Variants in MAPK8 observed in about 807,000 individuals in gnomAD.
MAPK8 encodes the protein JUN N-terminal kinase.
MAPK8 carries 13 observed loss-of-function variants against 52.9 expected under a neutral mutation model. That is an observed-to-expected ratio of 0.25 (90% CI 0.16 to 0.39). The LOEUF (loss-of-function observed/expected upper bound fraction) is 0.39. Among genes scored for constraint, MAPK8 ranks in the 10% least tolerant of loss-of-function variants. The pLI, the probability that MAPK8 is intolerant of heterozygous loss-of-function variation, is 1.00. For synonymous variants in MAPK8, 191 were observed against 169.8 expected (o/e 1.12, Z -0.97); for missense variants, 300 against 519.2 (o/e 0.58, Z 4.10).
chr10:48,399,766 A>T (rs978897521), intron 1 of MAPK8, among the ~76,000 whole-genome samples: 6 of 152,080 alleles, frequency 3.9e-5, no homozygotes, highest in African/African-American at 1.4e-4. Context: ...TGATTATCTT[A>T]ATCTTTTTGA....
Position 48,426,033 on chromosome 10 carries a change from C to A in MAPK8, c.834C>A (p.Val278=). 1.2e-6 allele frequency: 2 copies of A among 1,611,826 alleles called. No individual in the cohort carries two copies. The highest frequency in any genetic ancestry group is 1.7e-6 in the Non-Finnish European group (2 of 1,179,168). ...GCTTTGAGAAACTCTTCCCTGATGTCCTTTTCCCAGCTGACTCAGAACACA... is the reference window on the plus strand; with the variant it reads ...GCTTTGAGAAACTCTTCCCTGATGTACTTTTCCCAGCTGACTCAGAACACA... The part of the protein sequence containing the change: ...GYSFEKLFPD[V]LFPADSEHNK... Residue 278 remains valine (V), a synonymous_variant, in exon 8 of 12, where the codon GTC becomes GTA. Coordinates refer to ENST00000374189, the MANE Select transcript of MAPK8 (RefSeq NM_001323329.2).
intron 1 of MAPK8, among the ~76,000 whole-genome samples, chr10:48,397,154 C>T (rs780560611): frequency 4.0e-5 from 6 of 151,420 alleles, no homozygotes; most frequent in Non-Finnish European, 2.9e-5. Flanking sequence ...ATTTGTATAA[C>T]CTTTTTTTTT....
At chr10:48,345,628 C>T (rs1353494446) in intron 1 of MAPK8, among the ~76,000 whole-genome samples, 1 of 152,154 alleles carries the variant, frequency 6.6e-6, no homozygotes, top group Non-Finnish European at 1.5e-5. Flanking sequence ...ACCTATTATT[C>T]TTGCTAAGTA....
intron 1 of MAPK8, among the ~76,000 whole-genome samples, chr10:48,379,073 T>C (rs1028043681): frequency 4.6e-5 from 7 of 152,250 alleles, no homozygotes; most frequent in African/African-American, 1.7e-4. Context: ...CCTGAAACTT[T>C]TTCGTTAGAA....
At chr10:48,376,162 T>C (rs1589119170) in intron 1 of MAPK8, among the ~76,000 whole-genome samples, 1 of 152,162 alleles carries the variant, frequency 6.6e-6, no homozygotes, top group East Asian at 1.9e-4. Context: ...TAATAGATGG[T>C]GTTGGGAAAA....
chr10:48,410,016 T>C lies in MAPK8; in HGVS notation c.312-14T>C, dbSNP rs754526898. 2.5e-6 allele frequency: 4 copies of C among 1,604,508 alleles called. No individual in the cohort carries two copies. The highest frequency in any genetic ancestry group is 3.4e-6 in the Non-Finnish European group (4 of 1,176,858). Reference sequence around the variant, plus strand: ...GCTGGACACTTTAGCTGTTCTCTTTTTTCACTCATAAAGTTACATAGTCAT... The same window carrying C: ...GCTGGACACTTTAGCTGTTCTCTTTCTTCACTCATAAAGTTACATAGTCAT... On this transcript the variant is annotated splice_polypyrimidine_tract_variant and intron_variant, in intron 4 of 11. Coordinates refer to ENST00000374189, the MANE Select transcript of MAPK8 (RefSeq NM_001323329.2).
At chr10:48,414,981 G>T (rs11101317) in intron 5 of MAPK8, among the ~76,000 whole-genome samples, 69,767 of 151,810 alleles carry the variant, frequency 0.46, 16,240 homozygotes, top group South Asian at 0.57. Context: ...AATACAGAGA[G>T]AGTTTTCACA....
chr10:48,309,553 A>G (rs574427433), intron 1 of MAPK8, among the ~76,000 whole-genome samples: 14 of 152,222 alleles, frequency 9.2e-5, no homozygotes, highest in Non-Finnish European at 1.5e-4. Context: ...TAATGTGGTT[A>G]TAATCTTAAC....
intron 1 of MAPK8, among the ~76,000 whole-genome samples, chr10:48,362,452 G>A (rs1276623800): frequency 6.7e-6 from 1 of 150,346 alleles, no homozygotes; most frequent in African/African-American, 2.4e-5. Flanking sequence ...TCATCTTTGT[G>A]TCCCAGACTC....
At chr10:48,373,571 CAAAA>C (rs539162576) in intron 1 of MAPK8, among the ~76,000 whole-genome samples, 18 of 16,838 alleles carry the variant, frequency 1.1e-3, no homozygotes, top group South Asian at 0.014. Flanking sequence ...AAATTGAAAG[CAAAA>C]AAAAAAAAAA....
intron 5 of MAPK8, 117 bp downstream of exon 5, chr10:48,410,285 C>T: frequency 1.4e-6 from 1 of 737,308 alleles, no homozygotes; most frequent in Non-Finnish European, 2.0e-6. Context: ...TGTACAACTA[C>T]CACCCATATT....
Position 48,390,457 on chromosome 10 carries a change from T to C in MAPK8, c.-49-11155T>C, listed in dbSNP as rs140331921. On this transcript the variant is annotated intron_variant, in intron 1 of 11. Transcript: ENST00000374189. ...GGCTCTAAGTTACCTCAGTGACTTATTGCCAGGATTGCCTGATGATTACAG... is the reference window on the plus strand; with the variant it reads ...GGCTCTAAGTTACCTCAGTGACTTACTGCCAGGATTGCCTGATGATTACAG... Among the ~76,000 whole-genome samples, 261 of 152,338 alleles carry C rather than the reference T, an allele frequency of 1.7e-3. 2 individuals are homozygous for C. Among genetic ancestry groups the C allele is most frequent in the African/African-American group, 5.6e-3 (233 of 41,574 alleles).
At chr10:48,359,879 G>T (rs909519561) in intron 1 of MAPK8, among the ~76,000 whole-genome samples, 1 of 152,158 alleles carries the variant, frequency 6.6e-6, no homozygotes, top group African/African-American at 2.4e-5. Flanking sequence ...GACACAGAAA[G>T]CATGAAAAGG....
At chr10:48,327,670 C>T (rs2132219747) in intron 1 of MAPK8, among the ~76,000 whole-genome samples, 1 of 152,112 alleles carries the variant, frequency 6.6e-6, no homozygotes, top group East Asian at 1.9e-4. Flanking sequence ...TCACTTTTTT[C>T]CTTAAATGTT....
At chr10:48,378,993 TA>T in intron 1 of MAPK8, among the ~76,000 whole-genome samples, 1 of 152,246 alleles carries the variant, frequency 6.6e-6, no homozygotes, top group Non-Finnish European at 1.5e-5. Flanking sequence ...AGAGTTATTA[TA>T]CTTGGCCTGA....
chr10:48,420,503 G>T (rs979514968), intron 6 of MAPK8, among the ~76,000 whole-genome samples, 183 bp downstream of exon 6: 2 of 152,072 alleles, frequency 1.3e-5, no homozygotes, highest in Non-Finnish European at 2.9e-5. Flanking sequence ...AAAACTTGGG[G>T]CCCTTATTTG....
rs565444229 is a variant in MAPK8 at position 48,425,812 on chromosome 10, A to G, written c.689-76A>G. ...CTTTCTTAGGAATTTTTAAATTTCT[A>G]TTTTCTTGTAATATGAATATGACTA... On this transcript the variant is annotated intron_variant, in intron 7 of 11. Transcript: ENST00000374189. 211 of 972,392 alleles carry G rather than the reference A, an allele frequency of 2.2e-4. 3 individuals are homozygous for G. In the South Asian group the frequency reaches 3.1e-3, roughly 14 times the overall value. The allele number at this position is 972,392 out of a possible 1,614,324, so 60.2% of individuals were successfully genotyped here. A position where few individuals can be genotyped will look rare whatever the true frequency, so the allele number is the denominator to read the frequency against.
intron 10 of MAPK8, chr10:48,430,757 A>G (rs1321890418): frequency 6.0e-6 from 1 of 166,888 alleles, no homozygotes; most frequent in African/African-American, 2.4e-5. Context: ...TCTTGGTAGC[A>G]TATATCTAGT....
At chr10:48,348,703 G>T (rs1187150133) in intron 1 of MAPK8, among the ~76,000 whole-genome samples, 2 of 152,144 alleles carry the variant, frequency 1.3e-5, no homozygotes, top group Non-Finnish European at 2.9e-5. Context: ...TTGTAGATGT[G>T]TGGTGTTATT....
Sources: allele counts gnomAD v4.1 joint callset (sites outside exome capture counted in the v4.1 genomes callset), GRCh38; gene constraint gnomAD v4.1.1; transcripts MANE v1.5; gene names NCBI Gene and HGNC (gene_info 2026-07-23, HGNC 2026-07-21).